The following MID1 variants were observed in gnomAD, a reference collection of about 807,000 sequenced individuals.
MID1 encodes the protein E3 ubiquitin-protein ligase Midline-1.
Under a neutral mutation model 40.4 loss-of-function variants are expected in MID1, and 7 were observed. That is an observed-to-expected ratio of 0.17 (90% CI 0.10 to 0.33). The LOEUF (loss-of-function observed/expected upper bound fraction) is 0.33. MID1 is among the 10% of genes least tolerant of loss of function. The probability of loss-of-function intolerance (pLI) is 1.00; values close to 1 mark genes in which losing one functional copy is unlikely to be tolerated. For missense variants in MID1, 367 were observed against 558.5 expected (o/e 0.66, Z 3.46); for synonymous variants, 229 against 221.2 (o/e 1.04, Z -0.31).
intron 1 of MID1, among the ~76,000 whole-genome samples, chrX:10,653,353 G>A (rs1746892189): frequency 8.9e-6 from 1 of 112,676 alleles, no homozygotes; most frequent in African/African-American, 3.2e-5. Context: ...GAGACTCTAA[G>A]TTAACTTGGG....
chrX:10,640,571 C>T (rs904327567), intron 1 of MID1, among the ~76,000 whole-genome samples: 5 of 111,321 alleles, frequency 4.5e-5, no homozygotes, highest in East Asian at 2.8e-4. Context: ...TAATGGGAGA[C>T]GTTAACACCC....
At chrX:10,810,474 G>A (rs751375463) in intron 1 of MID1, among the ~76,000 whole-genome samples, 6 of 111,998 alleles carry the variant, frequency 5.4e-5, no homozygotes, top group Non-Finnish European at 9.4e-5. Context: ...ATGCTGCTGT[G>A]AACACTGGTG....
chrX:10,735,806 C>A (rs1275390861), intron 1 of MID1, among the ~76,000 whole-genome samples: 1 of 111,666 alleles, frequency 9.0e-6, no homozygotes, highest in Non-Finnish European at 1.9e-5. Context: ...CCTCCCCTCT[C>A]AGCCTCCTGA....
chrX:10,529,050 AGAG>A (rs1932892434), intron 2 of MID1, among the ~76,000 whole-genome samples: 1 of 111,637 alleles, frequency 9.0e-6, no homozygotes, highest in African/African-American at 3.3e-5. Context: ...CAAGATGATT[AGAG>A]GAGGAGATAC....
At chrX:10,494,128 A>G (rs947542128) in intron 4 of MID1, among the ~76,000 whole-genome samples, 2 of 112,390 alleles carry the variant, frequency 1.8e-5, no homozygotes, top group African/African-American at 6.5e-5. Context: ...TGGCCAGGGA[A>G]TAATTTCATG....
intron 7 of MID1, among the ~76,000 whole-genome samples, chrX:10,466,022 A>C (rs1329859335): frequency 8.9e-6 from 1 of 112,176 alleles, no homozygotes; most frequent in Non-Finnish European, 1.9e-5. Context: ...TTTTGGTATA[A>C]AATGACTCCA....
chrX:10,709,328 AAGTTGTTAGCT>A (rs200260446), intron 1 of MID1, among the ~76,000 whole-genome samples: 10,237 of 111,503 alleles, frequency 0.092, 765 homozygotes, highest in African/African-American at 0.24. Flanking sequence ...AAAGAACAAG[AAGTTGTTAGCT>A]AGTTGTTAGC....
At chrX:10,813,372 G>T (rs968509590) in intron 1 of MID1, among the ~76,000 whole-genome samples, 1 of 111,401 alleles carries the variant, frequency 9.0e-6, no homozygotes, top group Non-Finnish European at 1.9e-5. Context: ...ACTTGACATA[G>T]GAGTTCATTA....
chrX:10,584,169 C>T (rs1358845203), intron 1 of MID1, among the ~76,000 whole-genome samples: 1 of 111,701 alleles, frequency 9.0e-6, no homozygotes, highest in Non-Finnish European at 1.9e-5. Flanking sequence ...AGGAAGAACC[C>T]ACTTCCACAA....
chrX:10,662,577 C>T (rs893711048), intron 1 of MID1, among the ~76,000 whole-genome samples: 3 of 111,000 alleles, frequency 2.7e-5, no homozygotes, highest in Non-Finnish European at 5.7e-5. Flanking sequence ...ATGTTAGGAT[C>T]GGCAGGACCA....
chrX:10,639,117 C>T lies in MID1; in HGVS notation c.-186-18698G>A, dbSNP rs748548461. ...GCACACGTCTTCTCCTCCAAAGGAACGCAGGTCCTTGCCAGCAATGGAACA... is the reference window on the plus strand; with the variant it reads ...GCACACGTCTTCTCCTCCAAAGGAATGCAGGTCCTTGCCAGCAATGGAACA... On this transcript the variant is annotated intron_variant, in intron 1 of 10. Coordinates refer to the MID1 transcript ENST00000380785. Among the ~76,000 whole-genome samples the T allele has an allele frequency of 5.3e-5, 6 of 112,365 alleles. No individual in the cohort carries two copies. In the East Asian group the frequency reaches 8.4e-4, roughly 16 times the overall value.
intron 1 of MID1, among the ~76,000 whole-genome samples, chrX:10,730,795 C>T (rs1259949798): frequency 2.7e-5 from 3 of 110,126 alleles, no homozygotes; most frequent in Admixed American, 1.9e-4. Flanking sequence ...AGGATGGTCT[C>T]GATCTCCTGA....
rs1379565159 is a variant in MID1 at position 10,516,593 on chromosome X, TGTGTGTGTGTGTGTGTGCGC to T, written c.756+6479_756+6498del. ...GTGTGTGTGTGTGTGTGTGTGTGTG[TGTGTGTGTGTGTGTGTGCGC>T]GCGCGCACGCGTGTGTTTTAAGAGA... is the stretch of plus-strand genomic sequence containing the variant. On this transcript the variant is annotated intron_variant, in intron 3 of 9. Transcript: ENST00000317552. Among the ~76,000 whole-genome samples, 100 of 84,082 alleles carry T rather than the reference TGTGTGTGTGTGTGTGTGCGC, an allele frequency of 1.2e-3. 1 individual carries two copies. The highest frequency in any genetic ancestry group is 5.4e-3 in the Middle Eastern group (1 of 186). 73.0% of individuals were successfully genotyped at this position (84,082 alleles called of 115,157 possible).
rs372727315 is a variant in MID1 at position 10,650,237 on chromosome X, T to A, written c.-186-29818A>T. Among the ~76,000 whole-genome samples the A allele has an allele frequency of 5.9e-4, 65 of 110,975 alleles. No homozygotes were observed. In the South Asian group the frequency reaches 0.025, roughly 43 times the overall value. ...ACTTCCCCAAAATATGGCTCCCTGG[T>A]ATAATGAGTATTTCGAATTAAAGGC... On this transcript the variant is annotated intron_variant, in intron 1 of 10. Transcript: ENST00000380785.
intron 1 of MID1, among the ~76,000 whole-genome samples, chrX:10,711,067 C>A (rs1486656535): frequency 2.7e-5 from 3 of 111,605 alleles, no homozygotes; most frequent in Non-Finnish European, 5.6e-5. Flanking sequence ...ATCCCCACCC[C>A]CCAGCCTCAG....
chrX:10,553,500 A>G (rs1275893614), intron 2 of MID1, among the ~76,000 whole-genome samples: 1 of 111,696 alleles, frequency 9.0e-6, no homozygotes, highest in African/African-American at 3.2e-5. Context: ...ATGAATAACT[A>G]AATATGAATA....
At chrX:10,670,294 C>A (rs1292946695) in intron 1 of MID1, among the ~76,000 whole-genome samples, 1 of 111,967 alleles carries the variant, frequency 8.9e-6, no homozygotes, top group Non-Finnish European at 1.9e-5. Flanking sequence ...AAACCACATT[C>A]CTTTCAGTAA....
chrX:10,640,277 T>G (rs1314620740), intron 1 of MID1, among the ~76,000 whole-genome samples: 1 of 111,611 alleles, frequency 9.0e-6, no homozygotes, highest in African/African-American at 3.3e-5. Context: ...ACCCATCTCA[T>G]GTGCAGAGAC....
chrX:10,481,288 T>C (rs901571787), intron 5 of MID1, among the ~76,000 whole-genome samples: 5 of 111,990 alleles, frequency 4.5e-5, no homozygotes, highest in Admixed American at 1.9e-4. Flanking sequence ...TGGGGTCTTC[T>C]AGAGATAGGA....
Sources: allele counts gnomAD v4.1 joint callset (sites outside exome capture counted in the v4.1 genomes callset), GRCh38; gene constraint gnomAD v4.1.1; transcripts MANE v1.5; gene names NCBI Gene and HGNC (gene_info 2026-07-23, HGNC 2026-07-21).